The following LRRC69 variants were observed in gnomAD, a reference collection of about 807,000 sequenced individuals.
LRRC69 encodes leucine rich repeat containing 69.
Under a neutral mutation model 37.8 loss-of-function variants are expected in LRRC69, and 42 were observed. That is an observed-to-expected ratio of 1.11 (90% CI 0.87 to 1.44). LRRC69 has a LOEUF of 1.44. Among genes scored for constraint, LRRC69 ranks in the 40% most tolerant of loss-of-function variants. The pLI is 0.00. For synonymous variants in LRRC69, 141 were observed against 143.1 expected (o/e 0.99, Z 0.11); for missense variants, 357 against 401.9 (o/e 0.89, Z 0.96).
At chr8:91,215,278 C>G (rs1810023028) in intron 7 of LRRC69, among the ~76,000 whole-genome samples, 1 of 152,116 alleles carries the variant, frequency 6.6e-6, no homozygotes, top group South Asian at 2.1e-4. Flanking sequence ...AGGAAACCAT[C>G]TTATGCTCTT....
At chr8:91,103,827 G>A (rs1253845865) in intron 1 of LRRC69, among the ~76,000 whole-genome samples, 2 of 151,926 alleles carry the variant, frequency 1.3e-5, no homozygotes, top group Non-Finnish European at 2.9e-5. Context: ...TTTTTTAATA[G>A]GAAAGAGGAG....
intron 7 of LRRC69, among the ~76,000 whole-genome samples, chr8:91,211,168 G>A (rs912556374): frequency 1.3e-5 from 2 of 151,712 alleles, no homozygotes; most frequent in African/African-American, 4.8e-5. Flanking sequence ...AAAAGCCATG[G>A]GAGTGTCAGA....
At chr8:91,144,180 T>A (rs1808577602) in intron 5 of LRRC69, among the ~76,000 whole-genome samples, 1 of 151,944 alleles carries the variant, frequency 6.6e-6, no homozygotes, top group Non-Finnish European at 1.5e-5. Context: ...CACCCCAAAT[T>A]TTGGGGTGTC....
At chr8:91,140,644 T>TAATCA (rs1215630122) in intron 5 of LRRC69, among the ~76,000 whole-genome samples, 13 of 28,432 alleles carry the variant, frequency 4.6e-4, no homozygotes, top group East Asian at 6.6e-4. Context: ...ATGTGATTTT[T>TAATCA]TTTTTTTTTT....
chr8:91,111,315 A>G (rs1285189957), intron 1 of LRRC69, among the ~76,000 whole-genome samples: 1 of 152,020 alleles, frequency 6.6e-6, no homozygotes, highest in African/African-American at 2.4e-5. Context: ...TGGGTGGATC[A>G]CGAGGTCAGA....
At chr8:91,133,403 C>A in intron 4 of LRRC69, 98 bp downstream of exon 4, 1 of 812,360 alleles carries the variant, frequency 1.2e-6, no homozygotes, top group Non-Finnish European at 1.8e-6. Flanking sequence ...GAGTATAAGC[C>A]ACCACTTGCT....
intron 5 of LRRC69, among the ~76,000 whole-genome samples, chr8:91,174,496 C>T (rs1362420131): frequency 3.9e-5 from 6 of 152,302 alleles, no homozygotes; most frequent in African/African-American, 1.4e-4. Context: ...CTGCAGTCTC[C>T]ATCATGAATC....
chr8:91,163,540 A>G (rs886540897), intron 5 of LRRC69, among the ~76,000 whole-genome samples: 2 of 151,420 alleles, frequency 1.3e-5, no homozygotes, highest in Non-Finnish European at 3.0e-5. Context: ...TGATGTCAGA[A>G]CTTGTCTCCA....
intron 6 of LRRC69, among the ~76,000 whole-genome samples, chr8:91,195,827 G>A (rs1483771879): frequency 8.6e-5 from 13 of 150,866 alleles, no homozygotes; most frequent in Admixed American, 8.6e-4. Context: ...TTTAATTGGA[G>A]CATTTAGTCC....
At chr8:91,210,472 T>A (rs1809888883) in intron 7 of LRRC69, among the ~76,000 whole-genome samples, 1 of 151,926 alleles carries the variant, frequency 6.6e-6, no homozygotes, top group South Asian at 2.1e-4. Flanking sequence ...TCTGTTGACT[T>A]GCAGAGTAAG....
At chr8:91,147,763 T>C (rs916803505) in intron 5 of LRRC69, among the ~76,000 whole-genome samples, 4 of 151,830 alleles carry the variant, frequency 2.6e-5, no homozygotes, top group Middle Eastern at 3.2e-3. Flanking sequence ...GTTTGTTACA[T>C]AGGTAAACCT....
chr8:91,149,724 A>G (rs1808694670), intron 5 of LRRC69, among the ~76,000 whole-genome samples: 1 of 151,906 alleles, frequency 6.6e-6, no homozygotes, highest in Non-Finnish European at 1.5e-5. Flanking sequence ...TGAGCATGGA[A>G]TGTTCTTCCA....
chr8:91,210,559 A>G (rs1341624727), intron 7 of LRRC69, among the ~76,000 whole-genome samples: 2 of 105,650 alleles, frequency 1.9e-5, no homozygotes, highest in African/African-American at 3.5e-5. Flanking sequence ...ACACACACAC[A>G]CAGACACACA....
intron 3 of LRRC69, 124 bp from the exon 4 acceptor site, chr8:91,132,986 G>C: frequency 1.8e-6 from 1 of 568,152 alleles, no homozygotes; most frequent in Non-Finnish European, 2.9e-6. Context: ...ACACTTGACT[G>C]AAGTAAGCTC....
At chr8:91,215,474 CAA>C (rs1218036403) in intron 7 of LRRC69, among the ~76,000 whole-genome samples, 1 of 151,926 alleles carries the variant, frequency 6.6e-6, no homozygotes, top group Non-Finnish European at 1.5e-5. Context: ...TAAAACTTAG[CAA>C]AGAGTAATAT....
chr8:91,121,293 C>A (rs1187176056), intron 1 of LRRC69, among the ~76,000 whole-genome samples: 1 of 152,030 alleles, frequency 6.6e-6, no homozygotes, highest in Non-Finnish European at 1.5e-5. Context: ...AAACACATGT[C>A]AAATAATGTT....
chr8:91,187,777 T>A (rs1458182091), intron 5 of LRRC69, among the ~76,000 whole-genome samples: 1 of 152,226 alleles, frequency 6.6e-6, no homozygotes, highest in Admixed American at 6.5e-5. Context: ...GTCTTCAGAC[T>A]TATTCAGGGG....
At chr8:91,138,798 A>T (rs954183423) in intron 5 of LRRC69, 4 of 151,974 alleles carry the variant, frequency 2.6e-5, no homozygotes, top group African/African-American at 9.7e-5. Context: ...CACGGCTGCA[A>T]TCCCAGCATT....
chr8:91,159,439 T>A lies in LRRC69; in HGVS notation c.651+23700T>A, dbSNP rs546430021. 2.6e-5 allele frequency among the ~76,000 whole-genome samples: 4 copies of A among 151,338 alleles called. No individual in the cohort carries two copies. The East Asian group carries it at 7.8e-4, about 30-fold the overall frequency. On this transcript the variant is annotated intron_variant, in intron 5 of 7. Transcript: ENST00000448384. ...CCAAGCCTTAACTGCATTCAGAGGA[T>A]AATATCAATGAACTAAACTTGAACT...
Sources: gnomAD v4.1 joint callset for allele counts (sites outside exome capture counted in the v4.1 genomes callset) on GRCh38, gnomAD v4.1.1 for gene constraint, MANE v1.5 for transcripts, NCBI Gene and HGNC (gene_info 2026-07-23, HGNC 2026-07-21) for gene names.